Variants in AGRN observed in about 807,000 individuals in gnomAD.
AGRN encodes the protein agrin proteoglycan.
In AGRN, 106 loss-of-function variants were observed where a neutral mutation model predicts 211.0. The ratio of observed to expected loss-of-function variants is 0.50; its 90% confidence interval spans 0.43 to 0.59. The LOEUF (loss-of-function observed/expected upper bound fraction) is 0.59. AGRN is among the 20% of genes least tolerant of loss of function. The probability of loss-of-function intolerance (pLI) is 0.00; values close to 1 mark genes in which losing one functional copy is unlikely to be tolerated. For synonymous variants in AGRN, 1,525 were observed against 1,332.5 expected (o/e 1.14, Z -3.15); for missense variants, 3,040 against 2,982.6 (o/e 1.02, Z -0.45).
chr1:1,035,022 T>A, intron 2 of AGRN: 1 of 588,124 alleles, frequency 1.7e-6, no homozygotes, highest in Non-Finnish European at 3.0e-6. Context: ...CCTGCACCCC[T>A]GTGGCTGGGG....
chr1:1,046,536 C>T lies in AGRN; in HGVS notation c.3051C>T (p.Thr1017=), dbSNP rs761977218. 3.2e-5 allele frequency: 52 copies of T among 1,610,778 alleles called. No homozygotes were observed. Among genetic ancestry groups the T allele is most frequent in the Non-Finnish European group, 4.2e-5 (49 of 1,179,064 alleles). The change falls in exon 18 of 36, where the codon ACC becomes ACT. Residue 1017 remains threonine (T), a synonymous_variant. Coordinates refer to ENST00000379370, the MANE Select transcript of AGRN (RefSeq NM_198576.4). The part of the protein sequence containing the change: ...APSSTAHSQT[T]PPPSSRPRTT... ...GCAGTACCGCACACAGCCAGACCAC[C>T]CCTCCGCCCTCATCACGACCTCGGA...
At chr1:1,035,891 A>C (rs2100611596) in intron 3 of AGRN, among the ~76,000 whole-genome samples, 1 of 151,630 alleles carries the variant, frequency 6.6e-6, no homozygotes, top group East Asian at 1.9e-4. Flanking sequence ...CTGCTTTGTG[A>C]GGTGGGGCCT....
intron 1 of AGRN, among the ~76,000 whole-genome samples, chr1:1,021,158 T>G (rs957270057): frequency 6.6e-6 from 1 of 152,124 alleles, no homozygotes; most frequent in African/African-American, 2.4e-5. Flanking sequence ...GGTGGCAGCT[T>G]CTTTCAGACT....
In AGRN at chr1:1,053,781, G is replaced by A. The variant is rs1277140990; in HGVS notation, c.5680G>A (p.Glu1894Lys). Residue 1894 changes from glutamate (E) to lysine (K), a missense_variant, in exon 34 of 36, where the codon GAA (glutamate) becomes AAA (lysine). Physicochemically the swap from Glu to Lys is moderately conservative, Grantham distance 56. Around this residue, in one of 3 missense-constraint regions of AGRN, gnomAD observed 1,537 missense variants for 1,505.0 expected, o/e 1.02. Transcript: ENST00000379370. The stretch of plus-strand genomic sequence containing the variant: ...GAAGGCACTGCAGAGCAACCACTTT[G>A]AACTGAGCCTGCGCACTGAGGCCAC... The part of the protein sequence containing the change: ...SEKALQSNHF[E>K]LSLRTEATQG... 1 of 1,608,990 alleles carries A rather than the reference G, an allele frequency of 6.2e-7. No homozygotes were observed. Among genetic ancestry groups the A allele is most frequent in the African/African-American group, 1.3e-5 (1 of 74,908 alleles).
In AGRN at chr1:1,020,132, G is replaced by T; in HGVS notation, c.-41G>T. 1.9e-6 allele frequency: 2 copies of T among 1,046,638 alleles called. No homozygotes were observed. Among genetic ancestry groups the T allele is most frequent in the Non-Finnish European group, 2.4e-6 (2 of 821,466 alleles). 64.8% of individuals were successfully genotyped at this position (1,046,638 alleles called of 1,614,324 possible). On this transcript the variant is annotated 5_prime_UTR_variant, in exon 1 of 36. Transcript: ENST00000379370. ...TCCCGTCCTGTCCAGTCCCGTCCCC[G>T]GCGCGGCCCGCGCGCTCCTCCGCCG...
chr1:1,032,980 C>T lies in AGRN; in HGVS notation c.464-2297C>T, dbSNP rs557953999. ...GCTGGGCAGCGGCCAGGGAGAGGGGCGACCTACGGGGGCGGGTGTGGGGAC... is the reference window on the plus strand; with the variant it reads ...GCTGGGCAGCGGCCAGGGAGAGGGGTGACCTACGGGGGCGGGTGTGGGGAC... On this transcript the variant is annotated intron_variant, in intron 2 of 35. Transcript: ENST00000379370. The surrounding 1 kb of genome is among the most constrained non-coding windows in gnomAD (Gnocchi z 4.7). Among the ~76,000 whole-genome samples, 820 of 152,110 alleles carry T rather than the reference C, an allele frequency of 5.4e-3. 7 individuals carry two copies. Among genetic ancestry groups the T allele is most frequent in the African/African-American group, 0.019 (778 of 41,488 alleles).
Position 1,042,190 on chromosome 1 carries a change from G to A in AGRN, c.1384+28G>A, listed in dbSNP as rs2710876. 0.9 allele frequency: 1,414,625 copies of A among 1,576,312 alleles called. 643,747 individuals are homozygous for A. The highest frequency in any genetic ancestry group is 0.97 in the East Asian group (42,892 of 44,238). ...GAGCGCCCCGGGGTGGAGGCCAGGC[G>A]GGGTGGGCTGCTCCTGCGTCAGTCC... is the stretch of plus-strand genomic sequence containing the variant. On this transcript the variant is annotated intron_variant, in intron 7 of 35. Coordinates refer to ENST00000379370, the MANE Select transcript of AGRN (RefSeq NM_198576.4).
chr1:1,051,296 G>T lies in AGRN; in HGVS notation c.5297G>T (p.Gly1766Val). The T allele has an allele frequency of 6.3e-7, 1 of 1,575,072 alleles. No homozygotes were observed. The highest frequency in any genetic ancestry group is 8.6e-7 in the Non-Finnish European group (1 of 1,161,144). ...AACCTGAAGGAGCCGCTCTACGTAG[G>T]GGGCGCTCCCGACTTCAGCAAGCTG... is the stretch of plus-strand genomic sequence containing the variant. ...VLNLKEPLYVGGAPDFSKLAR... is the reference protein window; with the variant it reads ...VLNLKEPLYVVGAPDFSKLAR... The change falls in exon 31 of 36, where the codon GGG becomes GTG. Residue 1766 changes from glycine (G) to valine (V), a missense_variant. Gly to Val is a moderately radical substitution (Grantham distance 109, BLOSUM62 -3). Around this residue, in one of 3 missense-constraint regions of AGRN, gnomAD observed 1,537 missense variants for 1,505.0 expected, o/e 1.02. Transcript: ENST00000379370.
chr1:1,045,547 GC>G (rs1417374917), intron 14 of AGRN, 24 bp downstream of exon 14: 6 of 1,611,112 alleles, frequency 3.7e-6, no homozygotes, highest in Non-Finnish European at 5.1e-6. Flanking sequence ...CCCAGGACTG[GC>G]CACCGGCTAT....
At position 1,020,246 on chromosome 1, in the gene AGRN, C is replaced by G; in HGVS notation, c.74C>G (p.Pro25Arg). The G allele has an allele frequency of 6.9e-7, 1 of 1,454,688 alleles. No individual in the cohort carries two copies. The highest frequency in any genetic ancestry group is 2.4e-5 in the Admixed American group (1 of 41,426). The allele number at this position is 1,454,688 out of a possible 1,614,324, so 90.1% of individuals were successfully genotyped here. ...CTTGTGGTGGCCGCGTGCGTCCTGCCCGGAGCCGGCGGGACATGCCCGGAG... is the reference window on the plus strand; with the variant it reads ...CTTGTGGTGGCCGCGTGCGTCCTGCGCGGAGCCGGCGGGACATGCCCGGAG... ...PLLVVAACVL[P>R]GAGGTCPERA... Residue 25 changes from proline (P) to arginine (R), a missense_variant, in exon 1 of 36, where the codon CCC becomes CGC. Physicochemically the swap from Pro to Arg is moderately radical, Grantham distance 103. Transcript: ENST00000379370.
chr1:1,033,242 T>A (rs1411395346), intron 2 of AGRN, among the ~76,000 whole-genome samples: 1 of 151,812 alleles, frequency 6.6e-6, no homozygotes, highest in East Asian at 1.9e-4. Flanking sequence ...CAGGGGAAAG[T>A]GGGCGAGGCG....
intron 24 of AGRN, 72 bp from the exon 25 acceptor site, chr1:1,049,164 G>T: frequency 9.2e-7 from 1 of 1,092,530 alleles, no homozygotes; most frequent in Non-Finnish European, 1.2e-6. Flanking sequence ...GGGGACGGGG[G>T]CGGGGCAGCT....
At chr1:1,051,406 G>T in intron 31 of AGRN, 37 bp downstream of exon 31, 1 of 1,544,274 alleles carries the variant, frequency 6.5e-7, no homozygotes. Context: ...GGGCCTCCGG[G>T]GCGGGCGGGG....
intron 2 of AGRN, among the ~76,000 whole-genome samples, chr1:1,029,926 G>A (rs562284452): frequency 6.3e-5 from 5 of 79,200 alleles, no homozygotes; most frequent in African/African-American, 2.1e-4. Context: ...GCATGGTGCT[G>A]TGTGAGATCA....
Position 1,054,947 on chromosome 1 carries a change from C to T in AGRN, c.6104C>T (p.Thr2035Ile), listed in dbSNP as rs1309967261. 7 of 1,549,088 alleles carry T rather than the reference C, an allele frequency of 4.5e-6. No homozygotes were observed. The highest frequency in any genetic ancestry group is 2.0e-5 in the Admixed American group (1 of 51,176). ...CTGCACCTGCTGGAGGACGCCGTCA[C>T]CAAGCCAGAGCTGCGGCCCTGCCCC... is the stretch of plus-strand genomic sequence containing the variant. ...HPLHLLEDAV[T>I]KPELRPCPTP Residue 2035 changes from threonine to isoleucine, a missense_variant, in exon 36 of 36, where the codon ACC becomes ATC. Physicochemically the swap from Thr to Ile is moderately conservative, Grantham distance 89. Transcript: ENST00000379370.
chr1:1,034,815 G>T (rs1644761829), intron 2 of AGRN: 2 of 686,878 alleles, frequency 2.9e-6, no homozygotes, highest in Non-Finnish European at 3.7e-6. Context: ...GCTTCCCGGG[G>T]ATGGGATGGG....
chr1:1,053,506 C>T (rs1324364262), intron 33 of AGRN: 17 of 1,524,430 alleles, frequency 1.1e-5, no homozygotes, highest in Admixed American at 2.0e-5. Context: ...GAGCACGTGG[C>T]AGCAGTGCCT....
rs1346708509 is a variant in AGRN at position 1,048,327 on chromosome 1, G to T, written c.4067G>T (p.Ser1356Ile). Residue 1356 changes from serine to isoleucine, a missense_variant, in exon 23 of 36, where the codon AGC becomes ATC. Transcript: ENST00000379370. The surrounding 1 kb of genome is among the most constrained non-coding windows in gnomAD (Gnocchi z 5.9). ...GCATTGGGCGGGGGCTTCACCTGCA[G>T]CTGCCCGGCAGGCAGGGGAGGCGCC... The part of the protein sequence containing the change: ...DWALGGGFTC[S>I]CPAGRGGAVC... The T allele has an allele frequency of 6.8e-7, 1 of 1,478,170 alleles. No homozygotes were observed. 91.6% of individuals were successfully genotyped at this position (1,478,170 alleles called of 1,614,324 possible). A position where few individuals can be genotyped will look rare whatever the true frequency, so the allele number is the denominator to read the frequency against.
chr1:1,020,399 C>A lies in AGRN; in HGVS notation c.201+26C>A, dbSNP rs755191677. On this transcript the variant is annotated intron_variant, in intron 1 of 35. Transcript: ENST00000379370. ...GTGCGCCCACCCGGACCCCGGCCTC[C>A]CCTCGCGACGCCTGCCGCCCCGCCG... The A allele has an allele frequency of 4.7e-6, 7 of 1,486,980 alleles. No homozygotes were observed. In the Admixed American group the frequency reaches 1.6e-4, roughly 33 times the overall value. 92.1% of individuals were successfully genotyped at this position (1,486,980 alleles called of 1,614,324 possible). A position where few individuals can be genotyped will look rare whatever the true frequency, so the allele number is the denominator to read the frequency against.
Sources: allele counts gnomAD v4.1 joint callset (sites outside exome capture counted in the v4.1 genomes callset), GRCh38; gene constraint gnomAD v4.1.1; regional missense constraint gnomAD v4.1.1; non-coding constraint Gnocchi (gnomAD v3.1); transcripts MANE v1.5; gene names NCBI Gene and HGNC (gene_info 2026-07-23, HGNC 2026-07-21).